Variants in TLE4 observed in about 807,000 individuals in gnomAD.
The protein encoded by TLE4 is transducin-like enhancer protein 4.
Under a neutral mutation model 92.8 loss-of-function variants are expected in TLE4, and 8 were observed. The observed-to-expected ratio is 0.09, with a 90% CI of 0.05 to 0.16. The LOEUF (loss-of-function observed/expected upper bound fraction) is 0.16, where lower values mean the gene tolerates loss of function less well. TLE4 is among the 10% of genes least tolerant of loss of function. TLE4 has a pLI of 1.00. For synonymous variants in TLE4, 371 were observed against 374.1 expected (o/e 0.99, Z 0.10); for missense variants, 675 against 997.6 (o/e 0.68, Z 4.36).
chr9:79,647,734 G>T (rs925914536), intron 6 of TLE4, among the ~76,000 whole-genome samples: 2 of 151,958 alleles, frequency 1.3e-5, no homozygotes, highest in Non-Finnish European at 2.9e-5. Flanking sequence ...TAAGAGGTAT[G>T]GCATACACAG....
intron 17 of TLE4, 137 bp from the exon 18 acceptor site, chr9:79,722,314 T>C (rs780295644): frequency 6.7e-6 from 7 of 1,044,270 alleles, no homozygotes; most frequent in Non-Finnish European, 7.9e-6. Context: ...CATTTGACTT[T>C]GGTTCTCCCC....
At chr9:79,705,582 G>A (rs1196907918) in intron 9 of TLE4, among the ~76,000 whole-genome samples, 1 of 152,228 alleles carries the variant, frequency 6.6e-6, no homozygotes, top group Non-Finnish European at 1.5e-5. Context: ...GCCTGGGCCT[G>A]TCAGTTTGCA....
chr9:79,716,898 C>T (rs1210574305), intron 14 of TLE4, among the ~76,000 whole-genome samples: 1 of 152,166 alleles, frequency 6.6e-6, no homozygotes, highest in Non-Finnish European at 1.5e-5. Context: ...TACCATAATG[C>T]TTGGCACACT....
At chr9:79,625,771 C>G (rs2133488681) in intron 5 of TLE4, among the ~76,000 whole-genome samples, 1 of 151,954 alleles carries the variant, frequency 6.6e-6, no homozygotes, top group Non-Finnish European at 1.5e-5. Flanking sequence ...TTCAAAATCC[C>G]TTAAGACTTT....
chr9:79,704,521 C>A, intron 8 of TLE4: 2 of 459,990 alleles, frequency 4.3e-6, no homozygotes, highest in Non-Finnish European at 3.9e-6. Context: ...ATTTCCTCTC[C>A]TCCCTCTGTC....
chr9:79,698,388 T>C (rs2068833586), intron 8 of TLE4, among the ~76,000 whole-genome samples: 1 of 152,160 alleles, frequency 6.6e-6, no homozygotes, highest in Non-Finnish European at 1.5e-5. Flanking sequence ...ACAAAAACAA[T>C]AGAACATTTT....
intron 4 of TLE4, among the ~76,000 whole-genome samples, chr9:79,594,227 A>G (rs2043388021): frequency 6.6e-6 from 1 of 152,244 alleles, no homozygotes; most frequent in Admixed American, 6.5e-5. Flanking sequence ...GGGTTGGTGC[A>G]TGATACTCTC....
intron 8 of TLE4, chr9:79,663,531 C>G (rs2060891938): frequency 6.6e-6 from 1 of 152,256 alleles, no homozygotes; most frequent in South Asian, 2.1e-4. Context: ...CTTGCTGGTT[C>G]TGACATTCCT....
intron 4 of TLE4, among the ~76,000 whole-genome samples, chr9:79,584,588 G>A (rs1466630861): frequency 3.3e-5 from 5 of 152,160 alleles, no homozygotes; most frequent in Non-Finnish European, 7.3e-5. Context: ...TGTGCCTATC[G>A]CATAGTAGAT....
At chr9:79,621,048 A>G (rs765697737) in intron 5 of TLE4, among the ~76,000 whole-genome samples, 1 of 152,202 alleles carries the variant, frequency 6.6e-6, no homozygotes, top group Non-Finnish European at 1.5e-5. Context: ...TTACAATTCA[A>G]TGTGAGATTG....
In TLE4 at chr9:79,724,849, T is replaced by TAAAAAAAAAAAAAAAA. The variant is rs947971071; in HGVS notation, c.2215-171_2215-156dup. 4.2e-4 allele frequency among the ~76,000 whole-genome samples: 11 copies of TAAAAAAAAAAAAAAAA among 25,986 alleles called. 3 individuals carry two copies. Among genetic ancestry groups the TAAAAAAAAAAAAAAAA allele is most frequent in the African/African-American group, 1.8e-3 (11 of 6,172 alleles). The allele number at this position is 25,986 out of a possible 152,430, so 17.0% of individuals were successfully genotyped here. A position where few individuals can be genotyped will look rare whatever the true frequency, so the allele number is the denominator to read the frequency against. On this transcript the variant is annotated intron_variant, in intron 19 of 19. Transcript: ENST00000376552. ...GTGACTGAGGGAGACCCTGTCTTAT[T>TAAAAAAAAAAAAAAAA]AAAAAAAAAAAAAAAAAAAAAAAAA...
intron 6 of TLE4, chr9:79,649,798 G>A (rs1449039370): frequency 7.3e-7 from 1 of 1,363,628 alleles, no homozygotes; most frequent in Non-Finnish European, 9.8e-7. Flanking sequence ...CGATGAGTCG[G>A]TGCTTATTTT....
At chr9:79,714,015 G>A (rs760674715) in intron 14 of TLE4, among the ~76,000 whole-genome samples, 20 of 151,770 alleles carry the variant, frequency 1.3e-4, no homozygotes, top group South Asian at 2.1e-4. Flanking sequence ...AGGCACATGC[G>A]CCACCACACC....
At chr9:79,722,399 A>G in intron 17 of TLE4, 52 bp from the exon 18 acceptor site, 2 of 1,595,930 alleles carry the variant, frequency 1.3e-6, no homozygotes, top group Non-Finnish European at 1.7e-6. Context: ...CTCCCAGATA[A>G]AAGAAGCGTG....
intron 4 of TLE4, among the ~76,000 whole-genome samples, chr9:79,605,006 G>C (rs190012142): frequency 5.3e-5 from 8 of 152,072 alleles, no homozygotes; most frequent in African/African-American, 1.7e-4. Flanking sequence ...GTGTGTGAGA[G>C]AGAGAAGGAG....
intron 16 of TLE4, 141 bp downstream of exon 16, chr9:79,720,434 A>ATAAT: frequency 8.9e-7 from 1 of 1,117,946 alleles, no homozygotes; most frequent in Non-Finnish European, 1.2e-6. Context: ...GTAAAGTGAT[A>ATAAT]TAATTATCTT....
chr9:79,700,844 A>G (rs550925147), intron 8 of TLE4, among the ~76,000 whole-genome samples: 45 of 152,014 alleles, frequency 3.0e-4, no homozygotes, highest in Middle Eastern at 3.2e-3. Context: ...GCTGAGATAC[A>G]CACACACATA....
chr9:79,649,409 CAA>C (rs1460753797), intron 6 of TLE4: 4 of 172,768 alleles, frequency 2.3e-5, no homozygotes, highest in African/African-American at 9.6e-5. Flanking sequence ...GTGGAGGACA[CAA>C]AAAGTGATTA....
chr9:79,676,438 A>G (rs2063269243), intron 8 of TLE4, among the ~76,000 whole-genome samples: 1 of 152,164 alleles, frequency 6.6e-6, no homozygotes, highest in South Asian at 2.1e-4. Context: ...ACAATTTGAT[A>G]TAACACTGGA....
Sources: allele counts gnomAD v4.1 joint callset (sites outside exome capture counted in the v4.1 genomes callset), GRCh38; gene constraint gnomAD v4.1.1; transcripts MANE v1.5; gene names NCBI Gene and HGNC (gene_info 2026-07-23, HGNC 2026-07-21).